Variants in SLC26A7 observed in about 807,000 individuals in gnomAD.
SLC26A7 encodes solute carrier family 26 member 7.
SLC26A7 carries 59 observed loss-of-function variants against 82.5 expected under a neutral mutation model. That is an observed-to-expected ratio of 0.72 (90% CI 0.58 to 0.89). The LOEUF is 0.89. Among genes scored for constraint, SLC26A7 ranks in the 40% least tolerant of loss-of-function variants. The pLI, the probability that SLC26A7 is intolerant of heterozygous loss-of-function variation, is 0.00. For missense variants in SLC26A7, 820 were observed against 793.0 expected (o/e 1.03, Z -0.41); for synonymous variants, 271 against 274.3 (o/e 0.99, Z 0.12).
At chr8:91,232,399 A>G (rs1427907861) in intron 2 of SLC26A7, among the ~76,000 whole-genome samples, 1 of 152,184 alleles carries the variant, frequency 6.6e-6, no homozygotes, top group Admixed American at 6.5e-5. Context: ...TCCACACTTC[A>G]CTTTCCATGA....
At chr8:91,283,716 G>A (rs553136309) in intron 2 of SLC26A7, among the ~76,000 whole-genome samples, 2 of 152,194 alleles carry the variant, frequency 1.3e-5, no homozygotes, top group East Asian at 1.9e-4. Flanking sequence ...CAATATTCAC[G>A]ACATCACTCT....
At chr8:91,277,804 T>G (rs1217526395) in intron 2 of SLC26A7, among the ~76,000 whole-genome samples, 1 of 152,142 alleles carries the variant, frequency 6.6e-6, no homozygotes, top group Non-Finnish European at 1.5e-5. Context: ...ATAAAATATT[T>G]TAATGTATCA....
intron 1 of SLC26A7, among the ~76,000 whole-genome samples, chr8:91,211,710 G>GCTGA (rs1809928325): frequency 6.6e-6 from 1 of 150,446 alleles, no homozygotes; most frequent in East Asian, 1.9e-4. Context: ...CTTAGAGACT[G>GCTGA]CTGACCTTTA....
chr8:91,353,001 G>C lies in SLC26A7; in HGVS notation c.1314+5G>C. On this transcript the variant is annotated splice_donor_5th_base_variant and intron_variant, in intron 11 of 18. Coordinates refer to ENST00000276609, the MANE Select transcript of SLC26A7 (RefSeq NM_052832.4). ...AATGTGGATAAAATCGATTGGGTAA[G>C]TAGAAATTTGACCTAAAACAATCCC... The C allele has an allele frequency of 1.9e-6, 3 of 1,593,742 alleles. No individual in the cohort carries two copies. Among genetic ancestry groups the C allele is most frequent in the Non-Finnish European group, 2.6e-6 (3 of 1,167,224 alleles).
At chr8:91,391,806 T>C (rs1216434256) in intron 16 of SLC26A7, among the ~76,000 whole-genome samples, 1 of 152,022 alleles carries the variant, frequency 6.6e-6, no homozygotes, top group Non-Finnish European at 1.5e-5. Context: ...ACTAGGATTT[T>C]TTTTTTTTTA....
intron 5 of SLC26A7, among the ~76,000 whole-genome samples, chr8:91,332,048 C>G (rs1813095559): frequency 6.7e-6 from 1 of 150,042 alleles, no homozygotes; most frequent in African/African-American, 2.4e-5. Flanking sequence ...TTATTTTGTT[C>G]TGCTTAGTTT....
At chr8:91,323,386 G>T (rs990733924) in intron 5 of SLC26A7, among the ~76,000 whole-genome samples, 4 of 152,126 alleles carry the variant, frequency 2.6e-5, no homozygotes, top group Non-Finnish European at 4.4e-5. Flanking sequence ...CTCAACCATC[G>T]TAGGCCAAAC....
rs773764201 is a variant in SLC26A7, at chr8:91,362,438, T to C, written c.1400T>C (p.Ile467Thr). The change falls in exon 12 of 19, where the codon ATA (isoleucine) becomes ACA (threonine). Residue 467 changes from isoleucine (I) to threonine (T), a missense_variant. Physicochemically the swap from Ile to Thr is moderately conservative, Grantham distance 89 (BLOSUM62 -1). Coordinates refer to ENST00000276609, the MANE Select transcript of SLC26A7 (RefSeq NM_052832.4). ...LLFGVVCTIA[I>T]VIGRFPRAMT... is the part of the protein sequence containing the mutation. Reference sequence around the variant, plus strand: ...TTTGGTGTTGTTTGTACCATAGCTATAGTGATAGGACGCTTCCCAAGGTAG... The same window carrying C: ...TTTGGTGTTGTTTGTACCATAGCTACAGTGATAGGACGCTTCCCAAGGTAG... The C allele has an allele frequency of 1.9e-6, 3 of 1,613,068 alleles. No individual in the cohort carries two copies. The highest frequency in any genetic ancestry group is 1.1e-5 in the South Asian group (1 of 90,982).
chr8:91,348,331 T>G (rs1370705681), intron 9 of SLC26A7: 1 of 985,270 alleles, frequency 1.0e-6, no homozygotes, highest in Non-Finnish European at 1.2e-6. Context: ...GAACTACTTA[T>G]GCCTTCTTTG....
chr8:91,321,447 A>T (rs1165388480), intron 5 of SLC26A7, among the ~76,000 whole-genome samples: 2 of 152,204 alleles, frequency 1.3e-5, no homozygotes, highest in South Asian at 2.1e-4. Context: ...AAAGTTGTTA[A>T]AGAGTTTCCT....
chr8:91,385,486 C>T (rs16912688), intron 15 of SLC26A7, among the ~76,000 whole-genome samples: 33,772 of 152,086 alleles, frequency 0.22, 4,783 homozygotes, highest in African/African-American at 0.41. Context: ...ACTGTGTTTT[C>T]TCATTTAGAA....
chr8:91,261,517 T>C (rs1810964355), intron 2 of SLC26A7, among the ~76,000 whole-genome samples: 1 of 152,178 alleles, frequency 6.6e-6, no homozygotes, highest in East Asian at 1.9e-4. Context: ...TTTAGGAACA[T>C]GAAGATTAGT....
chr8:91,273,032 A>T (rs1207313197), intron 2 of SLC26A7, among the ~76,000 whole-genome samples: 1 of 152,210 alleles, frequency 6.6e-6, no homozygotes, highest in Non-Finnish European at 1.5e-5. Flanking sequence ...TATGTAATAT[A>T]AGGGTGAAAA....
chr8:91,323,838 A>C (rs1346511616), intron 5 of SLC26A7, among the ~76,000 whole-genome samples: 1 of 62,534 alleles, frequency 1.6e-5, no homozygotes, highest in Non-Finnish European at 2.9e-5. Flanking sequence ...TTTTTTTTTG[A>C]GACATAGTCT....
At chr8:91,349,011 A>C (rs147808589) in intron 9 of SLC26A7, among the ~76,000 whole-genome samples, 80 of 152,328 alleles carry the variant, frequency 5.3e-4, no homozygotes, top group African/African-American at 1.9e-3. Flanking sequence ...GCATAATCTC[A>C]AAGATTTTTT....
chr8:91,221,189 A>G (rs1171041897), intron 2 of SLC26A7, among the ~76,000 whole-genome samples: 2 of 152,142 alleles, frequency 1.3e-5, no homozygotes, highest in Non-Finnish European at 2.9e-5. Flanking sequence ...ATCTGTTCAT[A>G]TCCTTTGCCC....
Position 91,258,307 on chromosome 8 carries a change from A to G in SLC26A7, c.193+8463A>G, listed in dbSNP as rs996978746. Among the ~76,000 whole-genome samples, 32 of 152,054 alleles carry G rather than the reference A, an allele frequency of 2.1e-4. 1 individual carries two copies. ...CAGCTGCCTATTGGGCACAATCTCAATGTCTCCCAGGGACAAATTTTATAA... is the reference window on the plus strand; with the variant it reads ...CAGCTGCCTATTGGGCACAATCTCAGTGTCTCCCAGGGACAAATTTTATAA... On this transcript the variant is annotated intron_variant, in intron 2 of 18. Transcript: ENST00000276609.
At chr8:91,237,313 C>T (rs578037896) in intron 2 of SLC26A7, among the ~76,000 whole-genome samples, 7 of 152,142 alleles carry the variant, frequency 4.6e-5, no homozygotes, top group Non-Finnish European at 7.4e-5. Flanking sequence ...GACATAGCTA[C>T]GCTATAATTT....
At chr8:91,235,163 A>G (rs1323583004) in intron 2 of SLC26A7, among the ~76,000 whole-genome samples, 4 of 152,116 alleles carry the variant, frequency 2.6e-5, no homozygotes, top group South Asian at 2.1e-4. Context: ...GGCTCAAGCA[A>G]TCCTTTCACC....
Sources: allele counts gnomAD v4.1 joint callset (sites outside exome capture counted in the v4.1 genomes callset), GRCh38; gene constraint gnomAD v4.1.1; transcripts MANE v1.5; gene names NCBI Gene and HGNC (gene_info 2026-07-23, HGNC 2026-07-21).